The following ANKFY1 variants were observed in gnomAD, a reference collection of about 807,000 sequenced individuals.
The protein encoded by ANKFY1 is ankyrin repeat and FYVE domain containing 1.
A neutral mutation model predicts 128.3 loss-of-function variants in ANKFY1; 47 were observed. The observed-to-expected ratio is 0.37, with a 90% CI of 0.29 to 0.47. The LOEUF (loss-of-function observed/expected upper bound fraction) is 0.47. Ranked by LOEUF, ANKFY1 falls within the 20% of genes least tolerant of loss-of-function variation. The pLI, the probability that ANKFY1 is intolerant of heterozygous loss-of-function variation, is 1.00. For missense variants in ANKFY1, 1,222 were observed against 1,510.6 expected, an observed-to-expected ratio of 0.81 and a Z score of 3.17; for synonymous variants, 553 against 601.6, an observed-to-expected ratio of 0.92 and a Z score of 1.18.
At chr17:4,174,178 G>T in intron 19 of ANKFY1, 122 bp from the exon 20 acceptor site, 1 of 1,210,518 alleles carries the variant, frequency 8.3e-7, no homozygotes, top group Non-Finnish European at 1.1e-6. Context: ...TGCTGACAGA[G>T]CTGGGAGCAT....
At chr17:4,168,897 A>T (rs935984818) in intron 24 of ANKFY1, 1 of 374,446 alleles carries the variant, frequency 2.7e-6, no homozygotes, top group East Asian at 4.4e-5. Flanking sequence ...GCAGTAGCTC[A>T]TCTCAGCTTT....
intron 3 of ANKFY1, among the ~76,000 whole-genome samples, chr17:4,221,097 T>C (rs1239084013): frequency 6.6e-6 from 1 of 152,250 alleles, no homozygotes; most frequent in Non-Finnish European, 1.5e-5. Context: ...TGGCCTAGTT[T>C]TTTGTTTTGG....
At chr17:4,254,134 T>A (rs1188088325) in intron 1 of ANKFY1, among the ~76,000 whole-genome samples, 1 of 151,744 alleles carries the variant, frequency 6.6e-6, no homozygotes. Flanking sequence ...TGAAACCCCA[T>A]CTCTACTAAA....
At chr17:4,198,363 AT>A (rs1437296659) in intron 7 of ANKFY1, among the ~76,000 whole-genome samples, 1 of 149,290 alleles carries the variant, frequency 6.7e-6, no homozygotes, top group Non-Finnish European at 1.5e-5. Context: ...TATAAAATTT[AT>A]TTTCTTTTTA....
intron 3 of ANKFY1, among the ~76,000 whole-genome samples, chr17:4,229,423 C>CAA (rs113840684): frequency 9.0e-6 from 1 of 110,534 alleles, no homozygotes; most frequent in African/African-American, 3.4e-5. Context: ...GGCTCTGTCT[C>CAA]AAAAAAAAAA....
intron 3 of ANKFY1, chr17:4,223,081 TA>T: frequency 1.4e-6 from 1 of 727,800 alleles, no homozygotes; most frequent in South Asian, 1.5e-5. Context: ...GGGATTTTAA[TA>T]GATAAAAAAG....
chr17:4,173,910 A>G lies in ANKFY1; in HGVS notation c.2922T>C (p.Asn974=). The G allele has an allele frequency of 6.2e-7, 1 of 1,612,626 alleles. No individual in the cohort carries two copies. Among genetic ancestry groups the G allele is most frequent in the Non-Finnish European group, 8.5e-7 (1 of 1,178,898 alleles). ...CACTAAAGAATGACTGGGAGTTACC[A>G]TTGTTTCCATTCTCATCCACGGCAG... ...DFAAVDENGN[N]ALHLAVMHGR... is the part of the protein sequence containing the mutation. The change falls in exon 20 of 25, where the codon AAT becomes AAC. Residue 974 remains asparagine, a splice_region_variant and synonymous_variant. Coordinates refer to ENST00000341657, the MANE Select transcript of ANKFY1 (RefSeq NM_001330063.2).
intron 8 of ANKFY1, among the ~76,000 whole-genome samples, chr17:4,195,697 T>C (rs750571027): frequency 2.6e-5 from 4 of 152,068 alleles, no homozygotes; most frequent in Non-Finnish European, 5.9e-5. Context: ...AAGGAAGTGA[T>C]CTCAAATACT....
chr17:4,180,967 G>A (rs1022028205), intron 16 of ANKFY1: 3 of 330,058 alleles, frequency 9.1e-6, no homozygotes, highest in Non-Finnish European at 1.7e-5. Context: ...CTGCTTCACA[G>A]TCTGAACTGG....
At chr17:4,254,211 G>A (rs534133837) in intron 1 of ANKFY1, among the ~76,000 whole-genome samples, 1 of 150,394 alleles carries the variant, frequency 6.6e-6, no homozygotes, top group South Asian at 2.1e-4. Flanking sequence ...GGCTGAGGCA[G>A]GAGAATCGCC....
At chr17:4,251,081 T>C (rs7504064) in intron 1 of ANKFY1, among the ~76,000 whole-genome samples, 54,519 of 151,994 alleles carry the variant, frequency 0.36, 9,905 homozygotes, top group Admixed American at 0.41. Context: ...GGCATCAAGA[T>C]AGATATCCAG....
chr17:4,195,442 C>T lies in ANKFY1; in HGVS notation c.1133G>A (p.Gly378Glu), dbSNP rs755003941. The T allele has an allele frequency of 1.3e-5, 21 of 1,613,976 alleles. No individual in the cohort carries two copies. In the South Asian group the frequency reaches 2.2e-4, roughly 17 times the overall value. The change falls in exon 9 of 25, where the codon GGG becomes GAG. Residue 378 changes from glycine to glutamate, a missense_variant. By Grantham distance (98) the Gly-to-Glu change is moderately conservative. Transcript: ENST00000341657. ...RTPLHVSIMAGNEYVFSQLLQ... is the reference protein window; with the variant it reads ...RTPLHVSIMAENEYVFSQLLQ... ...CAGCTGACTGAACACATATTCATTC[C>T]CGGCCATGATGGACACATGTAAAGG...
chr17:4,173,624 A>G (rs545415660), intron 20 of ANKFY1, among the ~76,000 whole-genome samples, 180 bp from the exon 21 acceptor site: 2 of 152,318 alleles, frequency 1.3e-5, no homozygotes, highest in South Asian at 2.1e-4. Context: ...ATGCAATCTC[A>G]TGATTGCTCT....
chr17:4,206,298 G>C lies in ANKFY1; in HGVS notation c.898+23C>G, dbSNP rs368651615. The C allele has an allele frequency of 4.7e-5, 75 of 1,596,592 alleles. 1 individual carries two copies. The highest frequency in any genetic ancestry group is 3.4e-5 in the Admixed American group (2 of 58,550). The stretch of plus-strand genomic sequence containing the variant: ...GGATAAAAATAAAATTGCCTGCAGG[G>C]AAACATACACACTTCTTCCTACCTC... On this transcript the variant is annotated intron_variant, in intron 7 of 24. Coordinates refer to ENST00000341657, the MANE Select transcript of ANKFY1 (RefSeq NM_001330063.2).
intron 1 of ANKFY1, among the ~76,000 whole-genome samples, chr17:4,262,082 TAGAG>T (rs1397643890): frequency 6.6e-6 from 1 of 152,216 alleles, no homozygotes; most frequent in Non-Finnish European, 1.5e-5. Flanking sequence ...CCCCAGCACT[TAGAG>T]AGGCCAAAGC....
At chr17:4,179,947 T>G in intron 16 of ANKFY1, 70 bp from the exon 17 acceptor site, 1 of 1,580,232 alleles carries the variant, frequency 6.3e-7, no homozygotes, top group Non-Finnish European at 8.6e-7. Flanking sequence ...TGATTACAAA[T>G]GTAAAGCAGG....
At chr17:4,240,249 A>G (rs1404126307) in intron 2 of ANKFY1, among the ~76,000 whole-genome samples, 1 of 150,410 alleles carries the variant, frequency 6.6e-6, no homozygotes, top group African/African-American at 2.4e-5. Context: ...TATTTTTAGT[A>G]GAAACGGGGT....
At chr17:4,194,764 T>G in intron 10 of ANKFY1, 1 of 560,656 alleles carries the variant, frequency 1.8e-6, no homozygotes, top group East Asian at 3.0e-5. Flanking sequence ...AAATGGAAGT[T>G]TCAGTTTCAG....
intron 1 of ANKFY1, chr17:4,263,462 G>T: frequency 8.2e-7 from 1 of 1,213,702 alleles, no homozygotes; most frequent in Non-Finnish European, 1.1e-6. Flanking sequence ...CTGCTGCCTC[G>T]CCCCCACCCC....
Sources: gnomAD v4.1 joint callset for allele counts (sites outside exome capture counted in the v4.1 genomes callset) on GRCh38, gnomAD v4.1.1 for gene constraint, MANE v1.5 for transcripts, NCBI Gene and HGNC (gene_info 2026-07-23, HGNC 2026-07-21) for gene names.